Variants in SPRY3 observed in about 807,000 individuals in gnomAD.
The protein encoded by SPRY3 is sprouty RTK signaling antagonist 3, also known as protein sprouty homolog 3.
SPRY3 carries 15 observed loss-of-function variants against 20.2 expected under a neutral mutation model. That is an observed-to-expected ratio of 0.74 (90% CI 0.50 to 1.14). SPRY3 has a LOEUF of 1.14. Ranked by LOEUF, SPRY3 falls within the 50% of genes most tolerant of loss-of-function variation. SPRY3 has a pLI of 0.00. For missense variants in SPRY3, 364 were observed against 363.9 expected (o/e 1.00, Z 0.00); for synonymous variants, 143 against 136.5 (o/e 1.05, Z -0.33).
At chrX:155,712,341 T>C (rs888371284) in intron 2 of SPRY3, among the ~76,000 whole-genome samples, 2 of 151,978 alleles carry the variant, frequency 1.3e-5, no homozygotes, top group Non-Finnish European at 2.9e-5. Flanking sequence ...TTAGCTCTAA[T>C]AATATTTGCT....
At chrX:155,619,585 A>G (rs2067864873) in intron 1 of SPRY3, among the ~76,000 whole-genome samples, 1 of 111,201 alleles carries the variant, frequency 9.0e-6, no homozygotes. Flanking sequence ...TGAAATTGTT[A>G]AGCATAAGGA....
At chrX:155,768,626 G>C (rs1322989957) in intron 3 of SPRY3, among the ~76,000 whole-genome samples, 1 of 152,118 alleles carries the variant, frequency 6.6e-6, no homozygotes, top group Non-Finnish European at 1.5e-5. Context: ...GCCCTGGGTA[G>C]ACATGGCGCA....
At chrX:155,723,142 A>C (rs1169897982) in intron 2 of SPRY3, among the ~76,000 whole-genome samples, 1 of 152,124 alleles carries the variant, frequency 6.6e-6, no homozygotes, top group Non-Finnish European at 1.5e-5. Context: ...ATAGTATTCC[A>C]TGGTGTATAT....
At chrX:155,713,980 G>C (rs2091004209) in intron 2 of SPRY3, among the ~76,000 whole-genome samples, 1 of 152,070 alleles carries the variant, frequency 6.6e-6, no homozygotes, top group South Asian at 2.1e-4. Flanking sequence ...CTGCTATGAA[G>C]AGACTCTGAT....
chrX:155,721,521 G>A (rs2091057772), intron 2 of SPRY3, among the ~76,000 whole-genome samples: 1 of 151,932 alleles, frequency 6.6e-6, no homozygotes. Flanking sequence ...AACTCCCAAA[G>A]GTCAAGGATA....
intron 2 of SPRY3, among the ~76,000 whole-genome samples, chrX:155,713,064 T>G (rs2090997989): frequency 6.6e-6 from 1 of 152,094 alleles, no homozygotes; most frequent in Non-Finnish European, 1.5e-5. Context: ...TTGTTTTGGT[T>G]ATTATTTTTG....
chrX:155,781,087 A>G (rs2091460504), downstream of SPRY3: 1 of 166,290 alleles, frequency 6.0e-6, no homozygotes, highest in African/African-American at 2.5e-5. Flanking sequence ...GGGAGACAGC[A>G]GAAGAAAGAA....
At chrX:155,766,245 C>T (rs937174617) in intron 2 of SPRY3, among the ~76,000 whole-genome samples, 1 of 152,098 alleles carries the variant, frequency 6.6e-6, no homozygotes, top group South Asian at 2.1e-4. Flanking sequence ...ACCCACACAG[C>T]CGTACTTTTT....
chrX:155,638,643 C>T (rs1425804400), intron 1 of SPRY3, among the ~76,000 whole-genome samples: 5 of 109,757 alleles, frequency 4.6e-5, no homozygotes, highest in African/African-American at 6.7e-5. Context: ...CTTGTCAAGT[C>T]GCAAAATAAA....
At chrX:155,644,541 G>A (rs782327902) in intron 1 of SPRY3, among the ~76,000 whole-genome samples, 9 of 110,847 alleles carry the variant, frequency 8.1e-5, no homozygotes, top group East Asian at 2.9e-4. Flanking sequence ...GTCTGACCCC[G>A]CACTCAACCC....
At chrX:155,753,067 C>A (rs1436696001) in intron 2 of SPRY3, among the ~76,000 whole-genome samples, 2 of 151,832 alleles carry the variant, frequency 1.3e-5, no homozygotes, top group African/African-American at 4.8e-5. Flanking sequence ...AACAGTCTCC[C>A]AAATGTATTC....
chrX:155,622,613 A>G (rs914229467), intron 1 of SPRY3, among the ~76,000 whole-genome samples: 2 of 112,551 alleles, frequency 1.8e-5, no homozygotes, highest in African/African-American at 6.4e-5. Flanking sequence ...GTACTTGTAC[A>G]AATTTCTACA....
chrX:155,685,362 AGTAAGTCCAT>A lies in SPRY3; in HGVS notation c.-282+28341_-282+28350del, dbSNP rs759357861. ...TTTTCTCTATAATCTCTATTTTTCC[AGTAAGTCCAT>A]GTAGTAATATTTGTTTGTCTGTAGG... On this transcript the variant is annotated intron_variant, in intron 2 of 3. Transcript: ENST00000675360. 1.4e-4 allele frequency among the ~76,000 whole-genome samples: 15 copies of A among 107,378 alleles called. No individual in the cohort carries two copies. In the South Asian group the frequency reaches 5.9e-3, roughly 42 times the overall value. 93.2% of individuals were successfully genotyped at this position (107,378 alleles called of 115,157 possible).
At chrX:155,657,936 G>A (rs895120461) in intron 2 of SPRY3, among the ~76,000 whole-genome samples, 4 of 109,644 alleles carry the variant, frequency 3.6e-5, no homozygotes, top group African/African-American at 7.0e-5. Context: ...GGCTGCACCC[G>A]CTGCCTAACC....
chrX:155,727,284 G>A (rs1160521818), intron 2 of SPRY3, among the ~76,000 whole-genome samples: 1 of 151,954 alleles, frequency 6.6e-6, no homozygotes, highest in Non-Finnish European at 1.5e-5. Context: ...ATGTGTCTTG[G>A]GGTTGCACTT....
chrX:155,749,097 T>C (rs2091245109), intron 2 of SPRY3, among the ~76,000 whole-genome samples: 1 of 151,892 alleles, frequency 6.6e-6, no homozygotes, highest in Non-Finnish European at 1.5e-5. Flanking sequence ...CATAATTAAA[T>C]ACCTTGGATC....
At chrX:155,712,141 T>C (rs1327175145) in intron 2 of SPRY3, among the ~76,000 whole-genome samples, 1 of 151,904 alleles carries the variant, frequency 6.6e-6, no homozygotes, top group Non-Finnish European at 1.5e-5. Flanking sequence ...TGATTTATGT[T>C]TTGAGGAGAA....
At chrX:155,672,457 T>A (rs2068043989) in intron 2 of SPRY3, among the ~76,000 whole-genome samples, 2 of 111,277 alleles carry the variant, frequency 1.8e-5, no homozygotes, top group South Asian at 7.5e-4. Flanking sequence ...AAAAGACACA[T>A]GAAAAAATGC....
At chrX:155,726,700 G>A (rs1184801228) in intron 2 of SPRY3, among the ~76,000 whole-genome samples, 1 of 151,930 alleles carries the variant, frequency 6.6e-6, no homozygotes, top group African/African-American at 2.4e-5. Context: ...CCTTTACTTT[G>A]AGCCTATGTG....
Sources: gnomAD v4.1 joint callset for allele counts (sites outside exome capture counted in the v4.1 genomes callset) on GRCh38, gnomAD v4.1.1 for gene constraint, MANE v1.5 for transcripts, NCBI Gene and HGNC (gene_info 2026-07-23, HGNC 2026-07-21) for gene names.